SP5: variants seen among roughly 807,000 people sequenced by gnomAD.
SP5 encodes the protein Sp5 transcription factor, also known as transcription factor Sp5.
A neutral mutation model predicts 27.4 loss-of-function variants in SP5; 12 were observed. The observed-to-expected ratio is 0.44, with a 90% CI of 0.28 to 0.71. The LOEUF (loss-of-function observed/expected upper bound fraction) is 0.71, where lower values mean the gene tolerates loss of function less well. Ranked by LOEUF, SP5 falls within the 30% of genes least tolerant of loss-of-function variation. SP5 has a pLI of 0.15. For synonymous variants in SP5, 330 were observed against 290.7 expected, an observed-to-expected ratio of 1.14 and a Z score of -1.38; for missense variants, 660 against 589.8, an observed-to-expected ratio of 1.12 and a Z score of -1.23.
chr2:170,715,413 C>T lies in SP5; in HGVS notation c.-100C>T. The T allele has an allele frequency of 6.8e-7, 1 of 1,481,030 alleles. No individual in the cohort carries two copies. The highest frequency in any genetic ancestry group is 9.0e-7 in the Non-Finnish European group (1 of 1,111,366). 91.7% of individuals were successfully genotyped at this position (1,481,030 alleles called of 1,614,324 possible). A position where few individuals can be genotyped will look rare whatever the true frequency, so the allele number is the denominator to read the frequency against. ...AGGGCCCCGGCGCTCAGAGCAGGCG[C>T]CAGGGAGGCAGGCTGGGCGGCCCTT... On this transcript the variant is annotated 5_prime_UTR_variant, in exon 1 of 2. Transcript: ENST00000375281.
At position 170,716,440 on chromosome 2, in the gene SP5, C is replaced by G; in HGVS notation, c.233C>G (p.Pro78Arg). ...TTCCACCCGTGGACCGCCGACATGC[C>G]GGCGCACTCGCCAGGCGCACTGCCG... is the stretch of plus-strand genomic sequence containing the variant. Reference protein sequence around the residue: ...RLFHPWTADMPAHSPGALPPP... With the variant: ...RLFHPWTADMRAHSPGALPPP... The change falls in exon 2 of 2, where the codon CCG becomes CGG. Residue 78 changes from proline to arginine, a missense_variant. Pro to Arg is a moderately radical substitution (Grantham distance 103, BLOSUM62 -2). Transcript: ENST00000375281. 1 of 1,602,950 alleles carries G rather than the reference C, an allele frequency of 6.2e-7. No homozygotes were observed. The highest frequency in any genetic ancestry group is 1.7e-5 in the Admixed American group (1 of 59,864).
chr2:170,716,504 G>A lies in SP5; in HGVS notation c.297G>A (p.Thr99=), dbSNP rs764033975. 4 of 1,610,406 alleles carry A rather than the reference G, an allele frequency of 2.5e-6. No individual in the cohort carries two copies. Among genetic ancestry groups the A allele is most frequent in the South Asian group, 1.1e-5 (1 of 90,922 alleles). ...HPSLGLTPQK[T]HLQPSFGAAH... is the part of the protein sequence containing the mutation. ...GCTTGGGGCTGACGCCGCAGAAGAC[G>A]CACCTGCAGCCGTCCTTCGGGGCTG... Residue 99 remains threonine, a synonymous_variant, in exon 2 of 2, where the codon ACG becomes ACA. Transcript: ENST00000375281.
chr2:170,716,441 G>A lies in SP5; in HGVS notation c.234G>A (p.Pro78=), dbSNP rs756133306. 3 of 1,602,660 alleles carry A rather than the reference G, an allele frequency of 1.9e-6. No individual in the cohort carries two copies. The highest frequency in any genetic ancestry group is 1.3e-5 in the African/African-American group (1 of 74,842). The change falls in exon 2 of 2, where the codon CCG becomes CCA. Residue 78 remains proline (P), a synonymous_variant. Transcript: ENST00000375281. ...TCCACCCGTGGACCGCCGACATGCC[G>A]GCGCACTCGCCAGGCGCACTGCCGC... ...RLFHPWTADM[P]AHSPGALPPP...
Position 170,716,795 on chromosome 2 carries a change from C to A in SP5, c.588C>A (p.Gly196=). The A allele has an allele frequency of 7.1e-7, 1 of 1,402,704 alleles. No homozygotes were observed. The highest frequency in any genetic ancestry group is 9.2e-7 in the Non-Finnish European group (1 of 1,083,610). 86.9% of individuals were successfully genotyped at this position (1,402,704 alleles called of 1,614,324 possible). Residue 196 remains glycine, a synonymous_variant, in exon 2 of 2, where the codon GGC becomes GGA. Coordinates refer to ENST00000375281, the MANE Select transcript of SP5 (RefSeq NM_001003845.3). ...CGTGGTGGAGCATCCCGCAGGCGGG[C>A]GCCGGGCCGGGGGCCTCCGGGGTTC... ...DLPWWSIPQA[G]AGPGASGVPG...
Position 170,716,693 on chromosome 2 carries a change from G to C in SP5, c.486G>C (p.Leu162=). The change falls in exon 2 of 2, where the codon CTG becomes CTC. Residue 162 remains leucine (L), a synonymous_variant. Coordinates refer to ENST00000375281, the MANE Select transcript of SP5 (RefSeq NM_001003845.3). ...QAALPPGYSN[L]LPPPPPPPPP... ...CGCTGCCGCCAGGCTACTCCAACCTGCTGCCTCCGCCGCCGCCACCGCCCC... is the reference window on the plus strand; with the variant it reads ...CGCTGCCGCCAGGCTACTCCAACCTCCTGCCTCCGCCGCCGCCACCGCCCC... The C allele has an allele frequency of 1.3e-6, 2 of 1,540,522 alleles. No individual in the cohort carries two copies. The highest frequency in any genetic ancestry group is 1.7e-6 in the Non-Finnish European group (2 of 1,152,816).
At position 170,716,497 on chromosome 2, in the gene SP5, A is replaced by C. The variant is rs1161247756; in HGVS notation, c.290A>C (p.Gln97Pro). 1.2e-6 allele frequency: 2 copies of C among 1,609,992 alleles called. No homozygotes were observed. Among genetic ancestry groups the C allele is most frequent in the African/African-American group, 2.7e-5 (2 of 74,702 alleles). Residue 97 changes from glutamine (Q) to proline (P), a missense_variant, in exon 2 of 2, where the codon CAG becomes CCG. Physicochemically the swap from Gln to Pro is moderately conservative, Grantham distance 76. Coordinates refer to ENST00000375281, the MANE Select transcript of SP5 (RefSeq NM_001003845.3). ...PPHPSLGLTP[Q>P]KTHLQPSFGA... is the part of the protein sequence containing the mutation. ...CATCCCAGCTTGGGGCTGACGCCGC[A>C]GAAGACGCACCTGCAGCCGTCCTTC... is the stretch of plus-strand genomic sequence containing the variant.
chr2:170,715,345 C>A lies in SP5; in HGVS notation c.-168C>A. 3 of 838,524 alleles carry A rather than the reference C, an allele frequency of 3.6e-6. No individual in the cohort carries two copies. Among genetic ancestry groups the A allele is most frequent in the South Asian group, 2.4e-5 (1 of 41,786 alleles). 51.9% of individuals were successfully genotyped at this position (838,524 alleles called of 1,614,324 possible). A position where few individuals can be genotyped will look rare whatever the true frequency, so the allele number is the denominator to read the frequency against. On this transcript the variant is annotated 5_prime_UTR_variant, in exon 1 of 2. Coordinates refer to ENST00000375281, the MANE Select transcript of SP5 (RefSeq NM_001003845.3). Reference sequence around the variant, plus strand: ...GTGATCCTGAAGCGCTCAGACCGCGCGCGGGGCGAGCGAGCGGGGCGCGGC... The same window carrying A: ...GTGATCCTGAAGCGCTCAGACCGCGAGCGGGGCGAGCGAGCGGGGCGCGGC...
rs544931342 is a variant in SP5 at position 170,717,785 on chromosome 2, G to A, written c.*381G>A. On this transcript the variant is annotated 3_prime_UTR_variant, in exon 2 of 2. Coordinates refer to ENST00000375281, the MANE Select transcript of SP5 (RefSeq NM_001003845.3). ...GATTTGAAACAGTGCTCGGGTTTTCGCTAGGACCGGTTTGGGCTTTGTACA... is the reference window on the plus strand; with the variant it reads ...GATTTGAAACAGTGCTCGGGTTTTCACTAGGACCGGTTTGGGCTTTGTACA... 1.9e-5 allele frequency: 5 copies of A among 260,952 alleles called. No individual in the cohort carries two copies. The highest frequency in any genetic ancestry group is 1.0e-4 in the Admixed American group (2 of 19,780). The allele number at this position is 260,952 out of a possible 1,614,324, so 16.2% of individuals were successfully genotyped here.
In SP5 at chr2:170,717,205, G is replaced by A. The variant is rs1166450916; in HGVS notation, c.998G>A (p.Cys333Tyr). ...CCCTTCGTGTGCAACTGGCTCTTCT[G>A]CGGGAAGAGCTTCACGCGCTCGGAC... is the stretch of plus-strand genomic sequence containing the variant. ...ERPFVCNWLF[C>Y]GKSFTRSDEL... The change falls in exon 2 of 2, where the codon TGC (cysteine) becomes TAC (tyrosine). Residue 333 changes from cysteine (C) to tyrosine (Y), a missense_variant. Physicochemically the swap from Cys to Tyr is radical, Grantham distance 194. Transcript: ENST00000375281. The A allele has an allele frequency of 6.2e-7, 1 of 1,608,712 alleles. No homozygotes were observed.
chr2:170,717,618 T>C lies in SP5; in HGVS notation c.*214T>C, dbSNP rs1700098887. Reference sequence around the variant, plus strand: ...TGGGGCTGGGGCATTTGGATTGTAATTGGGAGCTCTGCCGTACGCCAGGGC... The same window carrying C: ...TGGGGCTGGGGCATTTGGATTGTAACTGGGAGCTCTGCCGTACGCCAGGGC... On this transcript the variant is annotated 3_prime_UTR_variant, in exon 2 of 2. Transcript: ENST00000375281. 1 of 655,082 alleles carries C rather than the reference T, an allele frequency of 1.5e-6. No individual in the cohort carries two copies. The highest frequency in any genetic ancestry group is 2.6e-6 in the Non-Finnish European group (1 of 390,166). 40.6% of individuals were successfully genotyped at this position (655,082 alleles called of 1,614,324 possible).
At position 170,717,357 on chromosome 2, in the gene SP5, A is replaced by G; in HGVS notation, c.1150A>G (p.Lys384Glu). The G allele has an allele frequency of 1.2e-6, 2 of 1,610,114 alleles. No homozygotes were observed. The highest frequency in any genetic ancestry group is 1.7e-6 in the Non-Finnish European group (2 of 1,178,994). The change falls in exon 2 of 2, where the codon AAA (lysine) becomes GAA (glutamate). Residue 384 changes from lysine (K) to glutamate (E), a missense_variant. Physicochemically the swap from Lys to Glu is moderately conservative, Grantham distance 56 (BLOSUM62 1). Coordinates refer to ENST00000375281, the MANE Select transcript of SP5 (RefSeq NM_001003845.3). ...HVKTHQNKKL[K>E]VAEAGVKRED... Reference sequence around the variant, plus strand: ...CAAGACTCACCAGAATAAGAAGCTCAAAGTCGCTGAGGCCGGGGTTAAGCG... The same window carrying G: ...CAAGACTCACCAGAATAAGAAGCTCGAAGTCGCTGAGGCCGGGGTTAAGCG...
At chr2:170,715,694 G>T in intron 1 of SP5, 131 bp downstream of exon 1, 3 of 1,427,094 alleles carry the variant, frequency 2.1e-6, no homozygotes, top group Non-Finnish European at 2.8e-6. Context: ...AGGCCTAGGG[G>T]TGCCCACGCC....
rs764557921 is a variant in SP5, at chr2:170,715,482, C to T, written c.-31C>T. ...TCCATGCCTCGGCGGCGGCGTCCCGCTCCGCAGCCAGGGGCCTGCAAGCCG... is the reference window on the plus strand; with the variant it reads ...TCCATGCCTCGGCGGCGGCGTCCCGTTCCGCAGCCAGGGGCCTGCAAGCCG... On this transcript the variant is annotated 5_prime_UTR_variant, in exon 1 of 2. Transcript: ENST00000375281. 1 of 1,543,600 alleles carries T rather than the reference C, an allele frequency of 6.5e-7. No individual in the cohort carries two copies.
In SP5 at chr2:170,716,779, G is replaced by T; in HGVS notation, c.572G>T (p.Ser191Ile). ...GCCCCCGACGACCTCCCGTGGTGGA[G>T]CATCCCGCAGGCGGGCGCCGGGCCG... The part of the protein sequence containing the change: ...NPAPDDLPWW[S>I]IPQAGAGPGA... The change falls in exon 2 of 2, where the codon AGC becomes ATC. Residue 191 changes from serine (S) to isoleucine (I), a missense_variant. Physicochemically the swap from Ser to Ile is moderately radical, Grantham distance 142. Transcript: ENST00000375281. 1 of 1,432,740 alleles carries T rather than the reference G, an allele frequency of 7.0e-7. No individual in the cohort carries two copies. Among genetic ancestry groups the T allele is most frequent in the Non-Finnish European group, 9.1e-7 (1 of 1,097,690 alleles). The allele number at this position is 1,432,740 out of a possible 1,614,324, so 88.8% of individuals were successfully genotyped here.
At position 170,715,568 on chromosome 2, in the gene SP5, G is replaced by A; in HGVS notation, c.51+5G>A. 2 of 1,555,128 alleles carry A rather than the reference G, an allele frequency of 1.3e-6. No individual in the cohort carries two copies. The highest frequency in any genetic ancestry group is 1.7e-6 in the Non-Finnish European group (2 of 1,150,366). On this transcript the variant is annotated splice_donor_5th_base_variant and intron_variant, in intron 1 of 1. Coordinates refer to ENST00000375281, the MANE Select transcript of SP5 (RefSeq NM_001003845.3). ...TCGCTGCAGGCCTTTCTCCAGGTCA[G>A]GGCCGAGCCCGGAGGGGGCGGGAGA...
At position 170,716,785 on chromosome 2, in the gene SP5, C is replaced by A; in HGVS notation, c.578C>A (p.Pro193Gln). 1 of 1,409,570 alleles carries A rather than the reference C, an allele frequency of 7.1e-7. No individual in the cohort carries two copies. The highest frequency in any genetic ancestry group is 1.6e-5 in the South Asian group (1 of 64,344). 87.3% of individuals were successfully genotyped at this position (1,409,570 alleles called of 1,614,324 possible). The change falls in exon 2 of 2, where the codon CCG becomes CAG. Residue 193 changes from proline (P) to glutamine (Q), a missense_variant. Physicochemically the swap from Pro to Gln is moderately conservative, Grantham distance 76. Coordinates refer to ENST00000375281, the MANE Select transcript of SP5 (RefSeq NM_001003845.3). ...GACGACCTCCCGTGGTGGAGCATCC[C>A]GCAGGCGGGCGCCGGGCCGGGGGCC... The part of the protein sequence containing the change: ...APDDLPWWSI[P>Q]QAGAGPGASG...
intron 1 of SP5, 40 bp from the exon 2 acceptor site, chr2:170,716,219 C>T (rs373186075): frequency 6.4e-7 from 1 of 1,568,358 alleles, no homozygotes; most frequent in Non-Finnish European, 8.6e-7. Flanking sequence ...TTGGAGCTAA[C>T]CTTTTGTCTC....
rs1700038644 is a variant in SP5 at position 170,715,418 on chromosome 2, G to A, written c.-95G>A. 1 of 1,493,096 alleles carries A rather than the reference G, an allele frequency of 6.7e-7. No homozygotes were observed. Among genetic ancestry groups the A allele is most frequent in the Admixed American group, 2.1e-5 (1 of 46,986 alleles). 92.5% of individuals were successfully genotyped at this position (1,493,096 alleles called of 1,614,324 possible). The stretch of plus-strand genomic sequence containing the variant: ...CCCGGCGCTCAGAGCAGGCGCCAGG[G>A]AGGCAGGCTGGGCGGCCCTTCGTCC... On this transcript the variant is annotated 5_prime_UTR_variant, in exon 1 of 2. Coordinates refer to ENST00000375281, the MANE Select transcript of SP5 (RefSeq NM_001003845.3).
At chr2:170,716,001 C>T in intron 1 of SP5, 2 of 1,371,604 alleles carry the variant, frequency 1.5e-6, no homozygotes, top group Non-Finnish European at 1.9e-6. Context: ...CCTGCTTCCT[C>T]TAAGGCTGGA....
Sources: gnomAD v4.1 joint callset for allele counts on GRCh38, gnomAD v4.1.1 for gene constraint, MANE v1.5 for transcripts, NCBI Gene and HGNC (gene_info 2026-07-23, HGNC 2026-07-21) for gene names.